The following COBL variants were observed in gnomAD, a reference collection of about 807,000 sequenced individuals.
The protein encoded by COBL is cordon-bleu WH2 repeat protein.
In COBL, 51 loss-of-function variants were observed where a neutral mutation model predicts 98.8. The ratio of observed to expected loss-of-function variants is 0.52; its 90% CI spans 0.41 to 0.65. The LOEUF (loss-of-function observed/expected upper bound fraction) is 0.65, where lower values mean the gene tolerates loss of function less well. Ranked by LOEUF, COBL falls within the 30% of genes least tolerant of loss-of-function variation. The probability of loss-of-function intolerance (pLI) is 0.00; values close to 1 mark genes in which losing one functional copy is unlikely to be tolerated. For missense variants in COBL, 1,617 were observed against 1,617.5 expected (o/e 1.00, Z 0.01); for synonymous variants, 634 against 651.7 (o/e 0.97, Z 0.41).
In COBL at chr7:51,190,927, GCAA is replaced by G; in HGVS notation, c.605_607del (p.Ile202_Ala203delinsThr). 6.2e-7 allele frequency: 1 copy of G among 1,614,056 alleles called. No individual in the cohort carries two copies. The highest frequency in any genetic ancestry group is 1.1e-5 in the South Asian group (1 of 91,054). ...CTTGGACAGCTCCAGCTCCTCTCCGGCAATGTTGTCCCTGAGGAGAACCACGTG... is the reference window on the plus strand; with the variant it reads ...CTTGGACAGCTCCAGCTCCTCTCCGGTGTTGTCCCTGAGGAGAACCACGTG... On this transcript the variant is annotated inframe_deletion, in exon 4 of 13. Transcript: ENST00000265136.
At chr7:51,086,724 G>C (rs1040019490) in intron 6 of COBL, among the ~76,000 whole-genome samples, 1 of 152,014 alleles carries the variant, frequency 6.6e-6, no homozygotes, top group African/African-American at 2.4e-5. Flanking sequence ...AAAAATATAT[G>C]TAAAAGGAAG....
At chr7:51,132,935 T>C (rs1245726761) in intron 6 of COBL, among the ~76,000 whole-genome samples, 11 of 152,032 alleles carry the variant, frequency 7.2e-5, no homozygotes, top group Non-Finnish European at 1.5e-5. Context: ...GGGATCCATC[T>C]CCATGACCCA....
chr7:51,187,310 G>GTATATATATATATATATATATA (rs67807746), intron 4 of COBL, among the ~76,000 whole-genome samples: 1 of 138,430 alleles, frequency 7.2e-6, no homozygotes, highest in Non-Finnish European at 1.6e-5. Flanking sequence ...ATATGTTTAA[G>GTATATATATATATATATATATA]TATATATATA....
intron 1 of COBL, among the ~76,000 whole-genome samples, chr7:51,227,394 C>T (rs1451959292): frequency 6.6e-6 from 1 of 152,232 alleles, no homozygotes; most frequent in East Asian, 1.9e-4. Flanking sequence ...AGGTAGGTGG[C>T]AGAGCTGGAA....
At chr7:51,228,854 T>G (rs1794457225) in intron 1 of COBL, among the ~76,000 whole-genome samples, 1 of 152,124 alleles carries the variant, frequency 6.6e-6, no homozygotes, top group East Asian at 1.9e-4. Flanking sequence ...CTGTTCCAAG[T>G]TTCAGATAAA....
chr7:51,288,358 C>T (rs565662788), intron 1 of COBL, among the ~76,000 whole-genome samples: 45 of 147,018 alleles, frequency 3.1e-4, no homozygotes, highest in East Asian at 8.0e-4. Flanking sequence ...TGCTTGAACC[C>T]GGGAGGCAGA....
chr7:51,232,612 C>T (rs918594086), intron 1 of COBL, among the ~76,000 whole-genome samples: 1 of 152,138 alleles, frequency 6.6e-6, no homozygotes, highest in Non-Finnish European at 1.5e-5. Flanking sequence ...GAGATCGAGA[C>T]CATCCTGGCT....
chr7:51,210,457 CG>C (rs2129076288), intron 2 of COBL, among the ~76,000 whole-genome samples: 1 of 152,300 alleles, frequency 6.6e-6, no homozygotes, highest in African/African-American at 2.4e-5. Flanking sequence ...CCCAGGACAG[CG>C]GGGCTTCCAC....
chr7:51,043,300 T>A, intron 8 of COBL, 83 bp downstream of exon 8: 1 of 1,378,254 alleles, frequency 7.3e-7, no homozygotes, highest in Non-Finnish European at 1.0e-6. Flanking sequence ...ATAGCACGTG[T>A]TGGATCCCAT....
chr7:51,087,481 G>C (rs1175660811), intron 6 of COBL, among the ~76,000 whole-genome samples: 1 of 151,820 alleles, frequency 6.6e-6, no homozygotes, highest in Non-Finnish European at 1.5e-5. Context: ...GTTTTGTGTG[G>C]GGTTTTTTTG....
chr7:51,066,841 G>C (rs1236040056), intron 7 of COBL, among the ~76,000 whole-genome samples: 1 of 152,230 alleles, frequency 6.6e-6, no homozygotes, highest in Non-Finnish European at 1.5e-5. Flanking sequence ...CCAGATGGAG[G>C]CAGACATAAG....
At chr7:51,065,901 CACA>C (rs1381242465) in intron 7 of COBL, among the ~76,000 whole-genome samples, 1 of 152,176 alleles carries the variant, frequency 6.6e-6, no homozygotes, top group East Asian at 1.9e-4. Flanking sequence ...GACACAGACA[CACA>C]ACAAGGGAAG....
chr7:51,152,566 C>T (rs939936519), intron 5 of COBL, among the ~76,000 whole-genome samples: 3 of 152,230 alleles, frequency 2.0e-5, no homozygotes, highest in Admixed American at 1.3e-4. Context: ...AAGCTATTAA[C>T]ATTTTCAAGG....
chr7:51,131,650 G>A (rs915372635), intron 6 of COBL, among the ~76,000 whole-genome samples: 1 of 150,556 alleles, frequency 6.6e-6, no homozygotes, highest in Admixed American at 6.6e-5. Flanking sequence ...CTAGAGTGCA[G>A]TGGCACGATC....
At chr7:51,088,359 T>A (rs1423598128) in intron 6 of COBL, among the ~76,000 whole-genome samples, 1 of 152,028 alleles carries the variant, frequency 6.6e-6, no homozygotes, top group Admixed American at 6.6e-5. Flanking sequence ...TCTTGGAAAT[T>A]TTCTCCATTG....
chr7:51,034,595 A>C (rs1383458821), intron 8 of COBL: 1 of 152,202 alleles, frequency 6.6e-6, no homozygotes, highest in Non-Finnish European at 1.5e-5. Flanking sequence ...TTACTAATGG[A>C]TTATAAACAT....
intron 1 of COBL, among the ~76,000 whole-genome samples, chr7:51,314,437 A>G (rs768707346): frequency 6.6e-6 from 1 of 152,240 alleles, no homozygotes; most frequent in Non-Finnish European, 1.5e-5. Flanking sequence ...TGAAGAGCCA[A>G]CAGAATCTGC....
intron 6 of COBL, among the ~76,000 whole-genome samples, chr7:51,126,216 A>G (rs10271337): frequency 6.7e-4 from 102 of 152,100 alleles, no homozygotes; most frequent in African/African-American, 2.4e-3. Flanking sequence ...CAATCCCAGC[A>G]GTATGGGAGG....
intron 7 of COBL, among the ~76,000 whole-genome samples, chr7:51,067,713 T>C (rs1303323377): frequency 6.6e-6 from 1 of 152,202 alleles, no homozygotes; most frequent in Non-Finnish European, 1.5e-5. Flanking sequence ...GAGAACTCAA[T>C]CCTATAATTA....
Sources: allele counts gnomAD v4.1 joint callset (sites outside exome capture counted in the v4.1 genomes callset), GRCh38; gene constraint gnomAD v4.1.1; transcripts MANE v1.5; gene names NCBI Gene and HGNC (gene_info 2026-07-23, HGNC 2026-07-21).